The following NUBPL variants were observed in gnomAD, a reference collection of about 807,000 sequenced individuals.
NUBPL encodes iron-sulfur cluster transfer protein NUBPL.
Under a neutral mutation model 45.7 loss-of-function variants are expected in NUBPL, and 31 were observed. The ratio of observed to expected loss-of-function variants is 0.68; its 90% CI spans 0.51 to 0.92. The LOEUF is 0.92. NUBPL is among the 40% of genes least tolerant of loss of function. The pLI, the probability that NUBPL is intolerant of heterozygous loss-of-function variation, is 0.00. For missense variants in NUBPL, 401 were observed against 398.7 expected (o/e 1.01, Z -0.05); for synonymous variants, 144 against 140.9 (o/e 1.02, Z -0.15).
intron 4 of NUBPL, among the ~76,000 whole-genome samples, chr14:31,614,457 G>C (rs753206075): frequency 1.6e-4 from 25 of 152,168 alleles, no homozygotes; most frequent in Admixed American, 1.4e-3. Flanking sequence ...GGGTGAAAAA[G>C]GTTATACACA....
chr14:31,602,174 G>A (rs1379564715), intron 4 of NUBPL, among the ~76,000 whole-genome samples: 1 of 151,984 alleles, frequency 6.6e-6, no homozygotes, highest in Non-Finnish European at 1.5e-5. Context: ...TCACTCATAG[G>A]TGGGAATTGA....
At chr14:31,696,127 T>G (rs913653086) in intron 6 of NUBPL, among the ~76,000 whole-genome samples, 3 of 152,226 alleles carry the variant, frequency 2.0e-5, no homozygotes, top group African/African-American at 4.8e-5. Context: ...TTTGAAAAGC[T>G]GGGAGGGACC....
chr14:31,663,068 C>G (rs2036313590), intron 4 of NUBPL, among the ~76,000 whole-genome samples: 1 of 152,144 alleles, frequency 6.6e-6, no homozygotes, highest in South Asian at 2.1e-4. Flanking sequence ...TCATATCCTT[C>G]ACCCACTTTT....
At chr14:31,749,889 CT>C (rs955820435) in intron 6 of NUBPL, among the ~76,000 whole-genome samples, 3 of 152,028 alleles carry the variant, frequency 2.0e-5, no homozygotes, top group African/African-American at 7.2e-5. Context: ...GTTCTTCATT[CT>C]TTTTTATTCT....
At chr14:31,823,931 G>GA (rs5807634) in intron 7 of NUBPL, among the ~76,000 whole-genome samples, 151,786 of 152,182 alleles carry the variant, frequency 1, 75,697 homozygotes, top group Middle Eastern at 1. Flanking sequence ...GAGGGGAAGA[G>GA]AGTGTTAATT....
At chr14:31,803,170 AATAAATGAATGACCC>A (rs1276651519) in intron 7 of NUBPL, among the ~76,000 whole-genome samples, 1 of 152,246 alleles carries the variant, frequency 6.6e-6, no homozygotes, top group East Asian at 1.9e-4. Flanking sequence ...TGCCAAGTTA[AATAAATGAATGACCC>A]ATGCACCATT....
chr14:31,612,620 C>A (rs1443602890), intron 4 of NUBPL, among the ~76,000 whole-genome samples: 1 of 151,168 alleles, frequency 6.6e-6, no homozygotes, highest in Non-Finnish European at 1.5e-5. Context: ...AAGATCGTGC[C>A]ACTGCACTCC....
intron 7 of NUBPL, among the ~76,000 whole-genome samples, chr14:31,825,261 C>T (rs2040078486): frequency 6.6e-6 from 1 of 152,130 alleles, no homozygotes; most frequent in Non-Finnish European, 1.5e-5. Context: ...TCCATTGTTT[C>T]TCCTATGTCT....
At chr14:31,849,185 A>G (rs1005900501) in intron 9 of NUBPL, among the ~76,000 whole-genome samples, 4 of 152,210 alleles carry the variant, frequency 2.6e-5, no homozygotes, top group African/African-American at 7.2e-5. Context: ...TATTTTTATA[A>G]CATATACTTC....
At chr14:31,737,268 C>T (rs1304278331) in intron 6 of NUBPL, among the ~76,000 whole-genome samples, 1 of 152,108 alleles carries the variant, frequency 6.6e-6, no homozygotes, top group Non-Finnish European at 1.5e-5. Context: ...ATTGTGTCAG[C>T]TTTTACATTT....
intron 4 of NUBPL, among the ~76,000 whole-genome samples, chr14:31,608,625 A>G (rs1017611910): frequency 6.6e-6 from 1 of 152,204 alleles, no homozygotes; most frequent in Non-Finnish European, 1.5e-5. Flanking sequence ...CTGAAGGTAC[A>G]AAACTCACTC....
intron 3 of NUBPL, among the ~76,000 whole-genome samples, chr14:31,575,530 G>A (rs531254885): frequency 3.3e-5 from 5 of 152,200 alleles, no homozygotes; most frequent in South Asian, 4.2e-4. Context: ...TATTAGCTCC[G>A]TGTTATTATA....
intron 4 of NUBPL, among the ~76,000 whole-genome samples, chr14:31,627,695 G>A (rs959105826): frequency 4.0e-5 from 6 of 151,238 alleles, no homozygotes; most frequent in Non-Finnish European, 8.8e-5. Context: ...GAACCCGGGA[G>A]GCAGAGCTTG....
chr14:31,783,080 G>C (rs1595621401), intron 6 of NUBPL, among the ~76,000 whole-genome samples: 2 of 152,298 alleles, frequency 1.3e-5, no homozygotes, highest in East Asian at 3.9e-4. Context: ...ATTGAGAAAG[G>C]TTTATTGTGA....
intron 6 of NUBPL, among the ~76,000 whole-genome samples, chr14:31,695,303 G>C (rs898879219): frequency 1.3e-5 from 2 of 149,726 alleles, no homozygotes; most frequent in African/African-American, 2.4e-5. Flanking sequence ...TCACTGTGAT[G>C]ATGAGTACTT....
chr14:31,704,891 T>TA lies in NUBPL; in HGVS notation c.513+31318dup, dbSNP rs533811295. On this transcript the variant is annotated intron_variant, in intron 6 of 10. Coordinates refer to ENST00000281081, the MANE Select transcript of NUBPL (RefSeq NM_025152.3). ...AGCCGCGGACCCTTGTGCTGAGTGT[T>TA]ACAGTTCTTAAAGATGGTATGTCCG... Among the ~76,000 whole-genome samples the TA allele has an allele frequency of 9.1e-4, 139 of 152,320 alleles. 6 individuals carry two copies. The South Asian group carries it at 0.028, about 31-fold the overall frequency.
At chr14:31,628,857 A>G (rs1026718854) in intron 4 of NUBPL, among the ~76,000 whole-genome samples, 18 of 152,186 alleles carry the variant, frequency 1.2e-4, no homozygotes, top group Admixed American at 3.9e-4. Context: ...TTACTGTATT[A>G]CCCAGGACAT....
At chr14:31,774,807 G>A (rs1213037859) in intron 6 of NUBPL, among the ~76,000 whole-genome samples, 1 of 152,160 alleles carries the variant, frequency 6.6e-6, no homozygotes, top group African/African-American at 2.4e-5. Context: ...AACCCGTGAT[G>A]TAATCAATCA....
intron 7 of NUBPL, among the ~76,000 whole-genome samples, chr14:31,807,123 T>C (rs182521175): frequency 1.3e-5 from 2 of 152,232 alleles, no homozygotes; most frequent in African/African-American, 4.8e-5. Context: ...TTATAATCCT[T>C]TGGGTATATA....
Sources: allele counts gnomAD v4.1 joint callset (sites outside exome capture counted in the v4.1 genomes callset), GRCh38; gene constraint gnomAD v4.1.1; transcripts MANE v1.5; gene names NCBI Gene and HGNC (gene_info 2026-07-23, HGNC 2026-07-21).